APBB2: variants seen among roughly 807,000 people sequenced by gnomAD.
The protein encoded by APBB2 is Fe65-like 1.
APBB2 carries 38 observed loss-of-function variants against 82.5 expected under a neutral mutation model. The observed-to-expected ratio is 0.46, with a 90% CI of 0.36 to 0.60. The LOEUF is 0.60. Among genes scored for constraint, APBB2 ranks in the 20% least tolerant of loss-of-function variants. The pLI is 0.00. For missense variants in APBB2, 772 were observed against 972.3 expected (o/e 0.79, Z 2.74); for synonymous variants, 341 against 368.2 (o/e 0.93, Z 0.85).
intron 3 of APBB2, among the ~76,000 whole-genome samples, chr4:41,091,845 C>G (rs966421455): frequency 1.1e-4 from 16 of 152,152 alleles, no homozygotes; most frequent in African/African-American, 3.9e-4. Flanking sequence ...AAAATCCAAC[C>G]AAATACCCAG....
chr4:41,009,229 G>C (rs1807634337), intron 6 of APBB2, among the ~76,000 whole-genome samples: 1 of 138,168 alleles, frequency 7.2e-6, no homozygotes, highest in Non-Finnish European at 1.5e-5. Flanking sequence ...CTGTATCTTT[G>C]AAAAAAACCC....
chr4:40,844,215 T>C (rs1756826880), intron 12 of APBB2, among the ~76,000 whole-genome samples: 1 of 152,206 alleles, frequency 6.6e-6, no homozygotes, highest in African/African-American at 2.4e-5. Context: ...CTTCTCTTTA[T>C]TTACCCAACA....
At chr4:41,010,561 T>C (rs959138122) in intron 6 of APBB2, among the ~76,000 whole-genome samples, 1 of 152,106 alleles carries the variant, frequency 6.6e-6, no homozygotes, top group African/African-American at 2.4e-5. Flanking sequence ...AGAGTCCCAG[T>C]AGGTAGACTG....
At chr4:41,002,781 T>C (rs1461816842) in intron 6 of APBB2, among the ~76,000 whole-genome samples, 1 of 152,244 alleles carries the variant, frequency 6.6e-6, no homozygotes, top group Non-Finnish European at 1.5e-5. Context: ...AATCTGCCTG[T>C]GAGTTTGTGC....
intron 10 of APBB2, among the ~76,000 whole-genome samples, chr4:40,918,139 T>C (rs1780299451): frequency 6.6e-6 from 1 of 152,254 alleles, no homozygotes; most frequent in Admixed American, 6.5e-5. Flanking sequence ...CAATGTGACG[T>C]ATCCCAGTGC....
chr4:40,843,275 G>T (rs553916969), intron 12 of APBB2, among the ~76,000 whole-genome samples: 1 of 152,298 alleles, frequency 6.6e-6, no homozygotes, highest in South Asian at 2.1e-4. Context: ...GTCATGGAGC[G>T]GCCAGCAGGG....
At position 41,208,213 on chromosome 4, in the gene APBB2, T is replaced by G. The variant is rs1249895433; in HGVS notation, c.-417+6192A>C. Among the ~76,000 whole-genome samples the G allele has an allele frequency of 1.1e-4, 16 of 152,326 alleles. No individual in the cohort carries two copies. The East Asian group carries it at 3.1e-3, about 29-fold the overall frequency. On this transcript the variant is annotated intron_variant, in intron 1 of 17. Transcript: ENST00000508593. ...GGAATTCCGCAAAGTCTCTCCAATC[T>G]ATCTCACCCTCTTAAACACACGTTT... is the stretch of plus-strand genomic sequence containing the variant.
chr4:41,034,406 C>G (rs1052979056), intron 4 of APBB2, among the ~76,000 whole-genome samples: 1 of 152,208 alleles, frequency 6.6e-6, no homozygotes, highest in Non-Finnish European at 1.5e-5. Flanking sequence ...TTCACTGCAA[C>G]CTCCACCTCC....
At position 40,826,976 on chromosome 4, in the gene APBB2, C is replaced by A; in HGVS notation, c.1732+156G>T. ...CTAGTGATGCAAAATCAACTCTGTG[C>A]CTCTGTGAGACCCAGCGTGCAGGCT... On this transcript the variant is annotated intron_variant, in intron 14 of 17. Transcript: ENST00000508593. The surrounding 1 kb of genome is among the most constrained non-coding windows in gnomAD (Gnocchi z 4.5). The A allele has an allele frequency of 1.6e-6, 1 of 642,126 alleles. No homozygotes were observed. The allele number at this position is 642,126 out of a possible 1,614,324, so 39.8% of individuals were successfully genotyped here. A position where few individuals can be genotyped will look rare whatever the true frequency, so the allele number is the denominator to read the frequency against.
At chr4:40,861,481 C>T (rs998203182) in intron 12 of APBB2, among the ~76,000 whole-genome samples, 2 of 152,148 alleles carry the variant, frequency 1.3e-5, no homozygotes, top group Non-Finnish European at 2.9e-5. Context: ...GAGCTATGAT[C>T]TTGCCACTGC....
At chr4:40,834,874 C>A (rs933766968) in intron 12 of APBB2, among the ~76,000 whole-genome samples, 1 of 152,078 alleles carries the variant, frequency 6.6e-6, no homozygotes, top group African/African-American at 2.4e-5. Context: ...AGTGGCGTGG[C>A]GTTAGGCCAC....
At chr4:41,067,308 C>G (rs1732245799) in intron 3 of APBB2, among the ~76,000 whole-genome samples, 1 of 151,790 alleles carries the variant, frequency 6.6e-6, no homozygotes, top group African/African-American at 2.4e-5. Context: ...ACTCAGGAGG[C>G]TGAGGCAGGA....
At chr4:41,146,059 C>A (rs914352153) in intron 1 of APBB2, among the ~76,000 whole-genome samples, 1 of 152,020 alleles carries the variant, frequency 6.6e-6, no homozygotes, top group African/African-American at 2.4e-5. Flanking sequence ...AACATGGTGA[C>A]TCATGCCTGT....
chr4:40,839,225 G>A (rs1017874796), intron 12 of APBB2, among the ~76,000 whole-genome samples: 1 of 151,994 alleles, frequency 6.6e-6, no homozygotes, highest in Non-Finnish European at 1.5e-5. Context: ...CTACAGGCAT[G>A]TGCCACCACA....
chr4:41,032,771 T>C (rs1287489116), intron 5 of APBB2, among the ~76,000 whole-genome samples: 1 of 107,458 alleles, frequency 9.3e-6, no homozygotes, highest in Non-Finnish European at 1.7e-5. Flanking sequence ...AAGATTCATT[T>C]TTCTTTCTTT....
intron 3 of APBB2, among the ~76,000 whole-genome samples, chr4:41,094,203 T>C (rs1334221186): frequency 6.6e-6 from 1 of 152,214 alleles, no homozygotes; most frequent in African/African-American, 2.4e-5. Context: ...CTTACTAATA[T>C]GAGTGACAAT....
intron 9 of APBB2, 27 bp from the exon 10 acceptor site, chr4:40,934,543 T>C: frequency 6.2e-7 from 1 of 1,613,580 alleles, no homozygotes; most frequent in Non-Finnish European, 8.5e-7. Context: ...AAAAGTGGAC[T>C]TAGAATTCTA....
chr4:41,190,847 A>G (rs1408105464), intron 1 of APBB2, among the ~76,000 whole-genome samples: 1 of 152,228 alleles, frequency 6.6e-6, no homozygotes, highest in Non-Finnish European at 1.5e-5. Context: ...AAAAAAGCCA[A>G]AGAAAGCTAA....
chr4:41,146,827 C>T (rs1344137544), intron 1 of APBB2, among the ~76,000 whole-genome samples: 1 of 152,174 alleles, frequency 6.6e-6, no homozygotes, highest in East Asian at 1.9e-4. Context: ...CCCGACTGTG[C>T]ATCAGGGCAA....
Sources: allele counts gnomAD v4.1 joint callset (sites outside exome capture counted in the v4.1 genomes callset), GRCh38; gene constraint gnomAD v4.1.1; non-coding constraint Gnocchi (gnomAD v3.1); transcripts MANE v1.5; gene names NCBI Gene and HGNC (gene_info 2026-07-23, HGNC 2026-07-21).